Variants in TRMT11 observed in about 807,000 individuals in gnomAD.
TRMT11 encodes tRNA methyltransferase 11.
In TRMT11, 53 loss-of-function variants were observed where a neutral mutation model predicts 62.8. The observed-to-expected ratio is 0.84, with a 90% CI of 0.68 to 1.06. The LOEUF (loss-of-function observed/expected upper bound fraction) is 1.06, where lower values mean the gene tolerates loss of function less well. Ranked by LOEUF, TRMT11 falls within the 50% of genes least tolerant of loss-of-function variation. TRMT11 has a pLI of 0.00. For synonymous variants in TRMT11, 188 were observed against 190.3 expected, an observed-to-expected ratio of 0.99 and a Z score of 0.10; for missense variants, 556 against 553.4, an observed-to-expected ratio of 1.00 and a Z score of -0.05.
the TRMT11 span, among the ~76,000 whole-genome samples, chr6:126,232,026 G>GA: frequency 1.3e-5 from 2 of 152,022 alleles, no homozygotes; most frequent in Non-Finnish European, 2.9e-5. Flanking sequence ...GATCTTAGTA[G>GA]AAAAAAGTAT....
chr6:126,031,507 T>C (rs1420342259), intron 12 of TRMT11, among the ~76,000 whole-genome samples: 1 of 152,092 alleles, frequency 6.6e-6, no homozygotes, highest in Non-Finnish European at 1.5e-5. Context: ...TGTGTGAACA[T>C]AGGAAAGCAC....
intron 12 of TRMT11, among the ~76,000 whole-genome samples, chr6:126,022,137 G>T (rs1371263232): frequency 1.5e-5 from 2 of 136,784 alleles, no homozygotes. Context: ...TCCACCTTCT[G>T]GTTTCAAGTG....
the TRMT11 span, among the ~76,000 whole-genome samples, chr6:126,267,969 T>C: frequency 2.0e-5 from 3 of 151,842 alleles, no homozygotes; most frequent in African/African-American, 7.3e-5. Flanking sequence ...CCCCAGAAGA[T>C]AGAAAGTGTT....
At chr6:126,109,530 C>G (rs568529570) in intron 17 of TRMT11, among the ~76,000 whole-genome samples, 105 of 152,254 alleles carry the variant, frequency 6.9e-4, no homozygotes, top group African/African-American at 2.4e-3. Context: ...ATTTGTCCAG[C>G]TATTGGTGAT....
intron 16 of TRMT11, among the ~76,000 whole-genome samples, chr6:126,044,963 A>T (rs982453755): frequency 6.6e-6 from 1 of 152,240 alleles, no homozygotes; most frequent in Middle Eastern, 3.4e-3. Flanking sequence ...AGGCAGGTGG[A>T]TCACCTGAGG....
chr6:126,120,877 A>G (rs900523442), intron 21 of TRMT11, among the ~76,000 whole-genome samples: 5 of 152,122 alleles, frequency 3.3e-5, no homozygotes, highest in African/African-American at 1.2e-4. Context: ...TGAGTCATCA[A>G]ACTTCTTCCC....
At chr6:126,114,916 G>A (rs910981249) in intron 19 of TRMT11, among the ~76,000 whole-genome samples, 2 of 151,992 alleles carry the variant, frequency 1.3e-5, no homozygotes, top group African/African-American at 4.8e-5. Context: ...CTGTAAGAGA[G>A]GTATAAGTCA....
intron 1 of TRMT11, among the ~76,000 whole-genome samples, chr6:126,189,505 A>T (rs547365405): frequency 7.9e-5 from 12 of 152,244 alleles, no homozygotes; most frequent in Non-Finnish European, 1.5e-4. Context: ...ATCCTCTTTT[A>T]TGTTTCCCAA....
In TRMT11 at chr6:126,171,777, G is replaced by T. The variant is rs1778332198; in HGVS notation, c.*1824-3048G>T. ...CTTGTCGCCCAGGCTGGAGTGCAATGGTGTGATCTCGGCTCACTGCAACTT... is the reference window on the plus strand; with the variant it reads ...CTTGTCGCCCAGGCTGGAGTGCAATTGTGTGATCTCGGCTCACTGCAACTT... On this transcript the variant is annotated intron_variant and NMD_transcript_variant, in intron 21 of 22. Transcript: ENST00000648977. Among the ~76,000 whole-genome samples the T allele has an allele frequency of 2.0e-5, 3 of 152,086 alleles. No individual in the cohort carries two copies. The South Asian group carries it at 6.2e-4, about 32-fold the overall frequency.
chr6:126,089,948 A>T (rs1007719853), intron 17 of TRMT11, among the ~76,000 whole-genome samples: 5 of 152,204 alleles, frequency 3.3e-5, no homozygotes, highest in African/African-American at 1.2e-4. Flanking sequence ...AAATCCAATG[A>T]CAGTTCAACT....
chr6:126,267,530 A>G, the TRMT11 span, among the ~76,000 whole-genome samples: 2 of 152,164 alleles, frequency 1.3e-5, no homozygotes, highest in Non-Finnish European at 2.9e-5. Flanking sequence ...GTCCCTAATT[A>G]ATTTCTTCTT....
At chr6:126,173,872 T>C (rs1485331750), upstream of TRMT11, among the ~76,000 whole-genome samples, 1 of 152,198 alleles carries the variant, frequency 6.6e-6, no homozygotes, top group Non-Finnish European at 1.5e-5. Flanking sequence ...CATGTCACTG[T>C]GGCCTCTTTC....
At chr6:126,151,846 CTTT>C (rs1157481227) in intron 21 of TRMT11, among the ~76,000 whole-genome samples, 2 of 130,670 alleles carry the variant, frequency 1.5e-5, no homozygotes, top group East Asian at 4.4e-4. Context: ...TTCTTTCTTT[CTTT>C]CTTTCTTTCT....
At chr6:126,258,194 G>T in the TRMT11 span, 2 of 692,448 alleles carry the variant, frequency 2.9e-6, no homozygotes, top group South Asian at 2.7e-5. Flanking sequence ...ATACTTGATG[G>T]TGACCTTCCC....
At chr6:126,253,664 C>T in the TRMT11 span, among the ~76,000 whole-genome samples, 7 of 152,138 alleles carry the variant, frequency 4.6e-5, no homozygotes, top group African/African-American at 1.4e-4. Flanking sequence ...ACAGGACCAT[C>T]GTCATATATG....
chr6:126,168,189 C>G (rs374592923), intron 21 of TRMT11, among the ~76,000 whole-genome samples: 1 of 152,202 alleles, frequency 6.6e-6, no homozygotes, highest in Non-Finnish European at 1.5e-5. Context: ...GGAACTCCTT[C>G]TCTTACACCG....
chr6:126,091,499 GTC>G (rs1210116083), intron 17 of TRMT11, among the ~76,000 whole-genome samples: 1 of 152,148 alleles, frequency 6.6e-6, no homozygotes, highest in Non-Finnish European at 1.5e-5. Flanking sequence ...CAGTGCCAGA[GTC>G]TCTCTAAACC....
chr6:126,212,998 G>C, the TRMT11 span, among the ~76,000 whole-genome samples: 1 of 152,152 alleles, frequency 6.6e-6, no homozygotes, highest in African/African-American at 2.4e-5. Context: ...TGGATATCCA[G>C]TTTTCCCAGC....
intron 11 of TRMT11, among the ~76,000 whole-genome samples, chr6:126,019,998 G>A (rs1400383438): frequency 2.6e-5 from 4 of 152,202 alleles, no homozygotes; most frequent in African/African-American, 9.7e-5. Flanking sequence ...ATAAAGTGAA[G>A]TGCATTATGA....
Sources: allele counts gnomAD v4.1 joint callset (sites outside exome capture counted in the v4.1 genomes callset), GRCh38; gene constraint gnomAD v4.1.1; transcripts MANE v1.5; gene names NCBI Gene and HGNC (gene_info 2026-07-23, HGNC 2026-07-21).